CDK4: variants seen among roughly 807,000 people sequenced by gnomAD.
CDK4 encodes the protein cyclin-dependent kinase 4.
In CDK4, 13 loss-of-function variants were observed where a neutral mutation model predicts 36.7. The observed-to-expected ratio is 0.35, with a 90% CI of 0.23 to 0.56. The LOEUF (loss-of-function observed/expected upper bound fraction) is 0.56. Among genes scored for constraint, CDK4 ranks in the 20% least tolerant of loss-of-function variants. CDK4 has a pLI of 0.85. For missense variants in CDK4, 285 were observed against 387.3 expected, an observed-to-expected ratio of 0.74 and a Z score of 2.22; for synonymous variants, 158 against 146.4, an observed-to-expected ratio of 1.08 and a Z score of -0.57.
rs1241728307 is a variant in CDK4 at position 57,748,328 on chromosome 12, G to C, written c.*197C>G. ...GACAAGAGGGAACATACCCCTTAGT[G>C]TAGAGAAATGGGAAGGAGAAGGAGA... is the stretch of plus-strand genomic sequence containing the variant. On this transcript the variant is annotated 3_prime_UTR_variant, in exon 8 of 8. Transcript: ENST00000257904. 2 of 640,356 alleles carry C rather than the reference G, an allele frequency of 3.1e-6. No homozygotes were observed. The highest frequency in any genetic ancestry group is 5.7e-6 in the Non-Finnish European group (2 of 349,414). The allele number at this position is 640,356 out of a possible 1,614,324, so 39.7% of individuals were successfully genotyped here. A position where few individuals can be genotyped will look rare whatever the true frequency, so the allele number is the denominator to read the frequency against.
rs1955245655 is a variant in CDK4, at chr12:57,752,248, A to T, written c.-93T>A. ...GGAGCCGGTTCCTACGGCCCCATAC[A>T]CCCGAGCTCGGTCCGGAGCAGCTGG... On this transcript the variant is annotated 5_prime_UTR_variant, in exon 1 of 8. Coordinates refer to ENST00000257904, the MANE Select transcript of CDK4 (RefSeq NM_000075.4). 4 of 221,962 alleles carry T rather than the reference A, an allele frequency of 1.8e-5. No homozygotes were observed. In the South Asian group the frequency reaches 1.8e-4, roughly 10 times the overall value. 13.7% of individuals were successfully genotyped at this position (221,962 alleles called of 1,614,324 possible). A position where few individuals can be genotyped will look rare whatever the true frequency, so the allele number is the denominator to read the frequency against.
Position 57,751,315 on chromosome 12 carries a change from T to G in CDK4, c.246A>C (p.Arg82=), listed in dbSNP as rs2140387517. 6.2e-7 allele frequency: 1 copy of G among 1,614,166 alleles called. No individual in the cohort carries two copies. Among genetic ancestry groups the G allele is most frequent in the Non-Finnish European group, 8.5e-7 (1 of 1,180,040 alleles). ...VRLMDVCATS[R]TDREIKVTLV... Reference sequence around the variant, plus strand: ...GGGTTACCTTGATCTCCCGGTCAGTTCGGGATGTGGCACAGACGTCCATCA... The same window carrying G: ...GGGTTACCTTGATCTCCCGGTCAGTGCGGGATGTGGCACAGACGTCCATCA... The change falls in exon 3 of 8, where the codon CGA becomes CGC. Residue 82 remains arginine (R), a synonymous_variant. Coordinates refer to ENST00000257904, the MANE Select transcript of CDK4 (RefSeq NM_000075.4). The surrounding 1 kb of genome is among the most constrained non-coding windows in gnomAD (Gnocchi z 4.5).
In CDK4 at chr12:57,751,927, G is replaced by A; in HGVS notation, c.-19-191C>T. On this transcript the variant is annotated intron_variant, in intron 1 of 7. Coordinates refer to ENST00000257904, the MANE Select transcript of CDK4 (RefSeq NM_000075.4). This position sits in a 1 kb window ranked among gnomAD's most constrained non-coding sequence, Gnocchi z 4.5. ...TCAATACCAACCCCTCCAGCCACGT[G>A]AGGCCCTGCAATAGAAAACGCTTTT... The A allele has an allele frequency of 1.6e-6, 1 of 608,734 alleles. No homozygotes were observed. The highest frequency in any genetic ancestry group is 2.9e-6 in the Non-Finnish European group (1 of 343,608). The allele number at this position is 608,734 out of a possible 1,614,324, so 37.7% of individuals were successfully genotyped here.
At position 57,751,387 on chromosome 12, in the gene CDK4, A is replaced by G; in HGVS notation, c.219-45T>C. 1.9e-6 allele frequency: 3 copies of G among 1,613,582 alleles called. No homozygotes were observed. The highest frequency in any genetic ancestry group is 2.5e-6 in the Non-Finnish European group (3 of 1,179,748). On this transcript the variant is annotated intron_variant, in intron 2 of 7. Transcript: ENST00000257904. This position sits in a 1 kb window ranked among gnomAD's most constrained non-coding sequence, Gnocchi z 4.5. ...ACTTTTCAATCCCCTTTAACCCAAC[A>G]TGGCCTCTCATTATTTCCTCAGGGT... is the stretch of plus-strand genomic sequence containing the variant.
rs964351861 is a variant in CDK4 at position 57,749,636 on chromosome 12, G to T, written c.633-132C>A. On this transcript the variant is annotated intron_variant, in intron 5 of 7. Coordinates refer to ENST00000257904, the MANE Select transcript of CDK4 (RefSeq NM_000075.4). ...AATTCCAGCACTTTGGGATGCTGAG[G>T]TGAGAGGACTGCTTGAGCCCAGGAG... 1.3e-5 allele frequency: 11 copies of T among 842,898 alleles called. No individual in the cohort carries two copies. The Admixed American group carries it at 2.2e-4, about 17-fold the overall frequency. The allele number at this position is 842,898 out of a possible 1,614,324, so 52.2% of individuals were successfully genotyped here.
chr12:57,751,422 T>C lies in CDK4; in HGVS notation c.218+78A>G. ...ATTATTTCCTCAGGGTCCCCACTTC[T>C]CTACAGATCATCACACCCCACCTAT... On this transcript the variant is annotated intron_variant, in intron 2 of 7. Coordinates refer to ENST00000257904, the MANE Select transcript of CDK4 (RefSeq NM_000075.4). The surrounding 1 kb of genome is among the most constrained non-coding windows in gnomAD (Gnocchi z 4.5). 6.2e-7 allele frequency: 1 copy of C among 1,611,418 alleles called. No individual in the cohort carries two copies. The highest frequency in any genetic ancestry group is 8.5e-7 in the Non-Finnish European group (1 of 1,177,868).
Position 57,748,082 on chromosome 12 carries a change from A to C in CDK4, c.*443T>G, listed in dbSNP as rs1955180063. The C allele has an allele frequency of 7.3e-6, 2 of 272,942 alleles. No homozygotes were observed. Among genetic ancestry groups the C allele is most frequent in the African/African-American group, 2.2e-5 (1 of 45,748 alleles). The allele number at this position is 272,942 out of a possible 1,614,324, so 16.9% of individuals were successfully genotyped here. A position where few individuals can be genotyped will look rare whatever the true frequency, so the allele number is the denominator to read the frequency against. On this transcript the variant is annotated 3_prime_UTR_variant, in exon 8 of 8. Transcript: ENST00000257904. ...AAGAAGCAATTTCAGTTCCTTTCTA[A>C]GCTTTGTCAGTCAAGGGGCTCCACT...
rs1280774592 is a variant in CDK4 at position 57,750,994 on chromosome 12, C to T, written c.451G>A (p.Gly151Ser). ...AAGTCAGCCAGCTTGACTGTTCCAC[C>T]ACTTGTCACCAGAATGTTCTCTGGC... ...LKPENILVTS[G>S]GTVKLADFGL... The change falls in exon 4 of 8, where the codon GGT (glycine) becomes AGT (serine). Residue 151 changes from glycine (G) to serine (S), a missense_variant. Gly to Ser is a moderately conservative substitution (Grantham distance 56). Transcript: ENST00000257904. 2 of 1,614,034 alleles carry T rather than the reference C, an allele frequency of 1.2e-6. No individual in the cohort carries two copies. Among genetic ancestry groups the T allele is most frequent in the African/African-American group, 2.7e-5 (2 of 74,906 alleles).
In CDK4 at chr12:57,750,660, G is replaced by T. The variant is rs1595110146; in HGVS notation, c.628C>A (p.Arg210=). The change falls in exon 5 of 8, where the codon CGA becomes AGA. Residue 210 remains arginine, a synonymous_variant. Coordinates refer to ENST00000257904, the MANE Select transcript of CDK4 (RefSeq NM_000075.4). The part of the protein sequence containing the change: ...VGCIFAEMFR[R]KPLFCGNSEA... ...CAGGGTATGTGGGTCCCATACTTTC[G>T]ACGAAACATCTCTGCAAAGATACAG... The T allele has an allele frequency of 1.2e-6, 2 of 1,610,106 alleles. No individual in the cohort carries two copies. The highest frequency in any genetic ancestry group is 1.1e-5 in the South Asian group (1 of 90,940).
chr12:57,751,020 T>G lies in CDK4; in HGVS notation c.425A>C (p.Lys142Thr). 1 of 1,614,132 alleles carries G rather than the reference T, an allele frequency of 6.2e-7. No homozygotes were observed. ...HANCIVHRDL[K>T]PENILVTSGG... ...ACTTGTCACCAGAATGTTCTCTGGC[T>G]TCAGATCTCGGTGAACGATGCAATT... The change falls in exon 4 of 8, where the codon AAG becomes ACG. Residue 142 changes from lysine to threonine, a missense_variant. Lys to Thr is a moderately conservative substitution (Grantham distance 78, BLOSUM62 -1). Transcript: ENST00000257904. The surrounding 1 kb of genome is among the most constrained non-coding windows in gnomAD (Gnocchi z 4.5).
chr12:57,749,028 C>A, intron 7 of CDK4, 154 bp downstream of exon 7: 1 of 992,038 alleles, frequency 1.0e-6, no homozygotes, highest in Non-Finnish European at 1.6e-6. Flanking sequence ...CTTCTATATC[C>A]TTCTCTGTGG....
rs771456729 is a variant in CDK4 at position 57,751,198 on chromosome 12, C to A, written c.354+9G>T. Reference sequence around the variant, plus strand: ...AATCCACCTCTCAATGCCTACCAACCCCACTCACCTTGATCGTTTCGGCTG... The same window carrying A: ...AATCCACCTCTCAATGCCTACCAACACCACTCACCTTGATCGTTTCGGCTG... On this transcript the variant is annotated intron_variant, in intron 3 of 7. Coordinates refer to ENST00000257904, the MANE Select transcript of CDK4 (RefSeq NM_000075.4). This position sits in a 1 kb window ranked among gnomAD's most constrained non-coding sequence, Gnocchi z 4.5. 1.4e-5 allele frequency: 22 copies of A among 1,614,038 alleles called. No homozygotes were observed. Among genetic ancestry groups the A allele is most frequent in the Non-Finnish European group, 1.0e-5 (12 of 1,180,040 alleles).
chr12:57,750,614 T>C (rs770980702), intron 5 of CDK4, 42 bp downstream of exon 5: 2 of 1,329,012 alleles, frequency 1.5e-6, no homozygotes, highest in African/African-American at 1.4e-5. Context: ...GAACAAGCGA[T>C]TTGGGGAATT....
chr12:57,752,100 T>C, intron 1 of CDK4, 75 bp downstream of exon 1: 1 of 339,218 alleles, frequency 2.9e-6, no homozygotes, highest in South Asian at 2.5e-5. Flanking sequence ...CATAACCAGC[T>C]CGCGAAACGA....
At position 57,751,707 on chromosome 12, in the gene CDK4, G is replaced by A. The variant is rs1227101024; in HGVS notation, c.11C>T (p.Ser4Phe). The change falls in exon 2 of 8, where the codon TCT (serine) becomes TTT (phenylalanine). Residue 4 changes from serine to phenylalanine, a missense_variant. By Grantham distance (155) the Ser-to-Phe change is radical. Transcript: ENST00000257904. This position sits in a 1 kb window ranked among gnomAD's most constrained non-coding sequence, Gnocchi z 4.5. ...AATTTCAGCCACTGGCTCATATCGA[G>A]AGGTAGCCATTCTCAGATCAAGGGA... Reference protein sequence around the residue: MATSRYEPVAEIGV... With the variant: MATFRYEPVAEIGV... 4 of 1,614,138 alleles carry A rather than the reference G, an allele frequency of 2.5e-6. No individual in the cohort carries two copies. The highest frequency in any genetic ancestry group is 3.4e-6 in the Non-Finnish European group (4 of 1,180,030).
chr12:57,749,418 A>G (rs746590772), intron 6 of CDK4, 36 bp downstream of exon 6: 2 of 1,613,734 alleles, frequency 1.2e-6, no homozygotes, highest in Non-Finnish European at 1.7e-6. Flanking sequence ...GAGGACTCAG[A>G]ATAGAAAATC....
At position 57,751,135 on chromosome 12, in the gene CDK4, A is replaced by G. The variant is rs1448294519; in HGVS notation, c.355-45T>C. 2 of 1,614,104 alleles carry G rather than the reference A, an allele frequency of 1.2e-6. No individual in the cohort carries two copies. Among genetic ancestry groups the G allele is most frequent in the Admixed American group, 3.3e-5 (2 of 60,026 alleles). On this transcript the variant is annotated intron_variant, in intron 3 of 7. Coordinates refer to ENST00000257904, the MANE Select transcript of CDK4 (RefSeq NM_000075.4). This position sits in a 1 kb window ranked among gnomAD's most constrained non-coding sequence, Gnocchi z 4.5. ...ACAGATGCACTGGAAACTAGGCACC[A>G]TACCTGAAATCCCAGAAGGTTCTAC...
rs2140381151 is a variant in CDK4, at chr12:57,748,579, G to A, written c.858C>T (p.Ala286=). 1.2e-6 allele frequency: 2 copies of A among 1,614,020 alleles called. No homozygotes were observed. The highest frequency in any genetic ancestry group is 1.1e-5 in the South Asian group (1 of 91,064). Residue 286 remains alanine, a synonymous_variant, in exon 8 of 8, where the codon GCC becomes GCT. Transcript: ENST00000257904. ...GATAAGAGTGCTGCAGAGCTCGAAAGGCAGAGATTCGCTTGTGTGGGTTAA... is the reference window on the plus strand; with the variant it reads ...GATAAGAGTGCTGCAGAGCTCGAAAAGCAGAGATTCGCTTGTGTGGGTTAA... ...LTFNPHKRIS[A]FRALQHSYLH... is the part of the protein sequence containing the mutation.
rs772079285 is a variant in CDK4, at chr12:57,750,746, C to T, written c.542G>A (p.Arg181Gln). The T allele has an allele frequency of 6.8e-6, 11 of 1,613,858 alleles. No homozygotes were observed. Among genetic ancestry groups the T allele is most frequent in the African/African-American group, 1.3e-5 (1 of 74,918 alleles). Residue 181 changes from arginine to glutamine, a missense_variant, in exon 5 of 8, where the codon CGA (arginine) becomes CAA (glutamine). Coordinates refer to ENST00000257904, the MANE Select transcript of CDK4 (RefSeq NM_000075.4). Reference protein sequence around the residue: ...LTPVVVTLWYRAPEVLLQSTY... With the variant: ...LTPVVVTLWYQAPEVLLQSTY... ...GGACTGCAGAAGAACTTCGGGAGCTCGGTACCAGAGTGTAACAACCTAAAG... is the reference window on the plus strand; with the variant it reads ...GGACTGCAGAAGAACTTCGGGAGCTTGGTACCAGAGTGTAACAACCTAAAG...
Sources: allele counts gnomAD v4.1 joint callset, GRCh38; gene constraint gnomAD v4.1.1; non-coding constraint Gnocchi (gnomAD v3.1); transcripts MANE v1.5; gene names NCBI Gene and HGNC (gene_info 2026-07-23, HGNC 2026-07-21).